SLC9A3: variants seen among roughly 807,000 people sequenced by gnomAD.
SLC9A3 encodes the protein sodium/hydrogen exchanger 3.
Under a neutral mutation model 86.8 loss-of-function variants are expected in SLC9A3, and 37 were observed. That is an observed-to-expected ratio of 0.43 (90% CI 0.33 to 0.56). SLC9A3 has a LOEUF of 0.56. SLC9A3 is among the 20% of genes least tolerant of loss of function. The probability of loss-of-function intolerance (pLI) is 0.06; values close to 1 mark genes in which losing one functional copy is unlikely to be tolerated. For synonymous variants in SLC9A3, 581 were observed against 528.3 expected (o/e 1.10, Z -1.37); for missense variants, 1,011 against 1,171.9 (o/e 0.86, Z 2.00).
chr5:520,230 C>T (rs749777377), intron 1 of SLC9A3, among the ~76,000 whole-genome samples: 7 of 152,344 alleles, frequency 4.6e-5, no homozygotes, highest in African/African-American at 7.2e-5. Context: ...GGGGTACCCA[C>T]GGCCAGACGC....
Position 476,017 on chromosome 5 carries a change from C to T in SLC9A3, c.2140+3G>A. Reference sequence around the variant, plus strand: ...CAGCGTTCCTGCAGGGCCCCCAGCGCACCTTTCTCCTTGATGGTGAAATTC... The same window carrying T: ...CAGCGTTCCTGCAGGGCCCCCAGCGTACCTTTCTCCTTGATGGTGAAATTC... On this transcript the variant is annotated splice_donor_region_variant and intron_variant, in intron 14 of 16. Transcript: ENST00000264938. 1.2e-6 allele frequency: 2 copies of T among 1,609,200 alleles called. No homozygotes were observed. The highest frequency in any genetic ancestry group is 1.7e-5 in the Admixed American group (1 of 59,586).
chr5:474,938 G>C lies in SLC9A3; in HGVS notation c.2446C>G (p.Gln816Glu), dbSNP rs1441640118. ...GGCCGCTCCTCGGGGCCGTCTGCCT[G>C]CAGGAAGGAGTCCACGGACTTGCTG... ...LSSKSVDSFL[Q>E]ADGPEERPPA... The change falls in exon 16 of 17, where the codon CAG becomes GAG. Residue 816 changes from glutamine (Q) to glutamate (E), a missense_variant. Around this residue, in one of 3 missense-constraint regions of SLC9A3, gnomAD observed 397 missense variants for 346.3 expected, o/e 1.15. Coordinates refer to ENST00000264938, the MANE Select transcript of SLC9A3 (RefSeq NM_004174.4). The C allele has an allele frequency of 4.4e-6, 7 of 1,605,966 alleles. No homozygotes were observed. The highest frequency in any genetic ancestry group is 1.3e-5 in the African/African-American group (1 of 74,804).
At chr5:494,871 G>A (rs1220836800) in intron 1 of SLC9A3, among the ~76,000 whole-genome samples, 1 of 152,206 alleles carries the variant, frequency 6.6e-6, no homozygotes, top group Middle Eastern at 3.2e-3. Context: ...TTTTCTACAC[G>A]ATGCACGTTC....
Position 471,670 on chromosome 5 carries a change from G to C in SLC9A3, c.*1709C>G. The C allele has an allele frequency of 2.3e-6, 1 of 425,764 alleles. No homozygotes were observed. The highest frequency in any genetic ancestry group is 4.7e-6 in the Non-Finnish European group (1 of 211,276). 26.4% of individuals were successfully genotyped at this position (425,764 alleles called of 1,614,324 possible). A position where few individuals can be genotyped will look rare whatever the true frequency, so the allele number is the denominator to read the frequency against. ...AGAGGATGGCTGCATTTTGTGCTCA[G>C]AGTTGGTTGAAATGGCTACGAAGTG... On this transcript the variant is annotated 3_prime_UTR_variant, in exon 17 of 17. Coordinates refer to ENST00000264938, the MANE Select transcript of SLC9A3 (RefSeq NM_004174.4).
At chr5:477,069 G>C in intron 11 of SLC9A3, 1 of 506,506 alleles carries the variant, frequency 2.0e-6, no homozygotes, top group South Asian at 2.8e-5. Context: ...AGGACAGGCT[G>C]CTGCGGGCCA....
At chr5:475,304 G>A (rs1309355314) in intron 15 of SLC9A3, 172 bp from the exon 16 acceptor site, 2 of 668,022 alleles carry the variant, frequency 3.0e-6, no homozygotes, top group Non-Finnish European at 5.0e-6. Flanking sequence ...GACCCCACAC[G>A]CCACAGGCAG....
chr5:480,272 AG>A (rs144706084), intron 9 of SLC9A3: 67,048 of 314,680 alleles, frequency 0.21, 8,780 homozygotes, highest in Non-Finnish European at 0.27. Context: ...GGGCACCTTC[AG>A]GTGCACAGGA....
At chr5:494,926 G>A (rs543506577) in intron 1 of SLC9A3, among the ~76,000 whole-genome samples, 57 of 152,264 alleles carry the variant, frequency 3.7e-4, no homozygotes, top group African/African-American at 1.4e-3. Flanking sequence ...AGGGGTAATC[G>A]GCTCACCTGT....
intron 2 of SLC9A3, among the ~76,000 whole-genome samples, chr5:489,178 G>T (rs1366019594): frequency 1.3e-5 from 2 of 152,216 alleles, no homozygotes; most frequent in Admixed American, 1.3e-4. Flanking sequence ...AGGGAACTGA[G>T]TGTGGCCACG....
Position 472,673 on chromosome 5 carries a change from CTT to C in SLC9A3, c.*704_*705del, listed in dbSNP as rs1560945181. ...GAGCAGACGGAAGACGTTCCTGCCA[CTT>C]TACCTGCAGTTCAAAGACCTGGCGA... On this transcript the variant is annotated 3_prime_UTR_variant, in exon 17 of 17. Transcript: ENST00000264938. The C allele has an allele frequency of 2.0e-6, 1 of 502,410 alleles. No homozygotes were observed. The highest frequency in any genetic ancestry group is 3.9e-6 in the Non-Finnish European group (1 of 257,182). 31.1% of individuals were successfully genotyped at this position (502,410 alleles called of 1,614,324 possible). A position where few individuals can be genotyped will look rare whatever the true frequency, so the allele number is the denominator to read the frequency against.
Position 477,435 on chromosome 5 carries a change from G to A in SLC9A3, c.1657C>T (p.Arg553Cys), listed in dbSNP as rs750660212. The A allele has an allele frequency of 3.7e-6, 6 of 1,611,658 alleles. No individual in the cohort carries two copies. Among genetic ancestry groups the A allele is most frequent in the East Asian group, 2.2e-5 (1 of 44,822 alleles). The change falls in exon 11 of 17, where the codon CGC becomes TGC. Residue 553 changes from arginine (R) to cysteine (C), a missense_variant. Around this residue, in one of 3 missense-constraint regions of SLC9A3, gnomAD observed 565 missense variants for 790.0 expected, o/e 0.72. Transcript: ENST00000264938. ...AISYVAEGER[R>C]GSLAFIRSPS... ...GAGCGGATGAAGGCCAGGGACCCGC[G>A]GCGCTCTCCCTGTGGTCAGGAAGCA... is the stretch of plus-strand genomic sequence containing the variant.
intron 12 of SLC9A3, 50 bp from the exon 13 acceptor site, chr5:476,428 TCG>T: frequency 6.2e-7 from 1 of 1,608,342 alleles, no homozygotes; most frequent in Non-Finnish European, 8.5e-7. Flanking sequence ...CCGGACATTC[TCG>T]CCCTCCTGCC....
chr5:477,686 C>A (rs11740933), intron 10 of SLC9A3: 40,875 of 466,582 alleles, frequency 0.088, 1,925 homozygotes, highest in Middle Eastern at 0.13. Flanking sequence ...GGGCAGAGGT[C>A]ATGCTTGTGG....
In SLC9A3 at chr5:524,271, C is replaced by T; in HGVS notation, c.52G>A (p.Ala18Thr). 7.3e-7 allele frequency: 1 copy of T among 1,366,084 alleles called. No homozygotes were observed. The highest frequency in any genetic ancestry group is 9.5e-7 in the Non-Finnish European group (1 of 1,057,154). 84.6% of individuals were successfully genotyped at this position (1,366,084 alleles called of 1,614,324 possible). A position where few individuals can be genotyped will look rare whatever the true frequency, so the allele number is the denominator to read the frequency against. The change falls in exon 1 of 17, where the codon GCG becomes ACG. Residue 18 changes from alanine to threonine, a missense_variant. Transcript: ENST00000264938. The part of the protein sequence containing the change: ...GPDRGLLLAL[A>T]LGGLARAGGV... ...CCGGCCCGCGCCAGCCCGCCCAGCGCCAGCGCCAGCAGCAGCCCCCGGTCG... is the reference window on the plus strand; with the variant it reads ...CCGGCCCGCGCCAGCCCGCCCAGCGTCAGCGCCAGCAGCAGCCCCCGGTCG...
In SLC9A3 at chr5:491,744, C is replaced by A; in HGVS notation, c.514+25G>T. On this transcript the variant is annotated intron_variant, in intron 2 of 16. Transcript: ENST00000264938. The surrounding 1 kb of genome is among the most constrained non-coding windows in gnomAD (Gnocchi z 9.2). ...TCCCGGACCCCACCCTGATCCCGGC[C>A]GGGGCAACAGTGGCGCAGACTCACC... 3 of 1,491,612 alleles carry A rather than the reference C, an allele frequency of 2.0e-6. No individual in the cohort carries two copies. The highest frequency in any genetic ancestry group is 2.7e-6 in the Non-Finnish European group (3 of 1,110,480). The allele number at this position is 1,491,612 out of a possible 1,614,324, so 92.4% of individuals were successfully genotyped here.
At position 493,310 on chromosome 5, in the gene SLC9A3, A is replaced by T. The variant is rs80251616; in HGVS notation, c.212-1239T>A. 5.3e-3 allele frequency among the ~76,000 whole-genome samples: 801 copies of T among 152,336 alleles called. 13 individuals carry two copies. The highest frequency in any genetic ancestry group is 0.018 in the African/African-American group (767 of 41,578). ...TGTCTCCTGAGATGGCCAAGACCCC[A>T]TTTAAGCACAGAGCAGCGGGAGCGG... On this transcript the variant is annotated intron_variant, in intron 1 of 16. Coordinates refer to ENST00000264938, the MANE Select transcript of SLC9A3 (RefSeq NM_004174.4).
chr5:476,450 G>T, intron 12 of SLC9A3, 72 bp from the exon 13 acceptor site: 1 of 1,605,068 alleles, frequency 6.2e-7, no homozygotes, highest in Non-Finnish European at 8.5e-7. Context: ...CGCAGGAGCT[G>T]AGCACGGATC....
At position 475,680 on chromosome 5, in the gene SLC9A3, G is replaced by A. The variant is rs1185000333; in HGVS notation, c.2141-9C>T. On this transcript the variant is annotated splice_polypyrimidine_tract_variant and intron_variant, in intron 14 of 16. Coordinates refer to ENST00000264938, the MANE Select transcript of SLC9A3 (RefSeq NM_004174.4). ...GTCTGAAAGTTCCAAGTCTGGGGAA[G>A]ACAGGTTGGGGTGAGGACTGGGGTC... 1.3e-6 allele frequency: 2 copies of A among 1,502,632 alleles called. No homozygotes were observed. The highest frequency in any genetic ancestry group is 1.8e-6 in the Non-Finnish European group (2 of 1,102,034). The allele number at this position is 1,502,632 out of a possible 1,614,324, so 93.1% of individuals were successfully genotyped here.
intron 1 of SLC9A3, among the ~76,000 whole-genome samples, chr5:522,261 C>G (rs1733905263): frequency 6.6e-6 from 1 of 152,358 alleles, no homozygotes; most frequent in African/African-American, 2.4e-5. Context: ...CTTCCCAGAA[C>G]CAGTCCAAGT....
Sources: allele counts gnomAD v4.1 joint callset (sites outside exome capture counted in the v4.1 genomes callset), GRCh38; gene constraint gnomAD v4.1.1; regional missense constraint gnomAD v4.1.1; non-coding constraint Gnocchi (gnomAD v3.1); transcripts MANE v1.5; gene names NCBI Gene and HGNC (gene_info 2026-07-23, HGNC 2026-07-21).